The following CRAMP1 variants were observed in gnomAD, a reference collection of about 807,000 sequenced individuals.
CRAMP1 encodes protein cramped-like.
CRAMP1 carries 50 observed loss-of-function variants against 115.4 expected under a neutral mutation model. That is an observed-to-expected ratio of 0.43 (90% confidence interval 0.35 to 0.55). The LOEUF is 0.55. Among genes scored for constraint, CRAMP1 ranks in the 20% least tolerant of loss-of-function variants. The probability of loss-of-function intolerance (pLI) is 0.01; values close to 1 mark genes in which losing one functional copy is unlikely to be tolerated. For synonymous variants in CRAMP1, 866 were observed against 745.4 expected, an observed-to-expected ratio of 1.16 and a Z score of -2.64; for missense variants, 1,679 against 1,721.7, an observed-to-expected ratio of 0.98 and a Z score of 0.44.
Position 1,656,266 on chromosome 16 carries a change from G to A in CRAMP1, c.1509G>A (p.Leu503=), listed in dbSNP as rs960409959. 13 of 1,611,288 alleles carry A rather than the reference G, an allele frequency of 8.1e-6. No homozygotes were observed. The African/African-American group carries it at 1.7e-4, about 22-fold the overall frequency. Residue 503 remains leucine (L), a synonymous_variant, in exon 10 of 21, where the codon TTG becomes TTA. Transcript: ENST00000397412. The surrounding 1 kb of genome is among the most constrained non-coding windows in gnomAD (Gnocchi z 5.6). ...SAPGEGAALS[L]SSPDAPDRPP... ...CCGGGGAGGGGGCTGCCCTAAGCTT[G>A]AGCAGCCCGGACGCTCCTGACAGGC...
chr16:1,633,450 G>T (rs2036562335), intron 4 of CRAMP1, among the ~76,000 whole-genome samples: 1 of 152,238 alleles, frequency 6.6e-6, no homozygotes, highest in African/African-American at 2.4e-5. Context: ...CCCTTGATTC[G>T]GGTCTGCCGC....
rs940852845 is a variant in CRAMP1 at position 1,612,671 on chromosome 16, G to T, written c.-2+14G>T. Among the ~76,000 whole-genome samples, 1 of 152,132 alleles carries T rather than the reference G, an allele frequency of 6.6e-6. No homozygotes were observed. The highest frequency in any genetic ancestry group is 2.4e-5 in the African/African-American group (1 of 41,460). ...TTGATGAAAAAGGTGACCAAGGCTGGGCGGCGGGGCTGTCATGGCGAGGCC... is the reference window on the plus strand; with the variant it reads ...TTGATGAAAAAGGTGACCAAGGCTGTGCGGCGGGGCTGTCATGGCGAGGCC... On this transcript the variant is annotated intron_variant, in intron 1 of 20. Transcript: ENST00000397412.
In CRAMP1 at chr16:1,672,686, T is replaced by C. The variant is rs1292291976; in HGVS notation, c.3646-1195T>C. Among the ~76,000 whole-genome samples, 1 of 152,216 alleles carries C rather than the reference T, an allele frequency of 6.6e-6. No individual in the cohort carries two copies. The highest frequency in any genetic ancestry group is 1.5e-5 in the Non-Finnish European group (1 of 68,034). Reference sequence around the variant, plus strand: ...GTGTCATGCAGTTCATTAAGGGATATTTCTGCAGGGTCTGCTGTGTGCAAA... The same window carrying C: ...GTGTCATGCAGTTCATTAAGGGATACTTCTGCAGGGTCTGCTGTGTGCAAA... On this transcript the variant is annotated intron_variant, in intron 20 of 20. Transcript: ENST00000397412. The surrounding 1 kb of genome is among the most constrained non-coding windows in gnomAD (Gnocchi z 4.9).
chr16:1,657,591 G>T (rs2036787161), intron 10 of CRAMP1, among the ~76,000 whole-genome samples: 2 of 152,360 alleles, frequency 1.3e-5, no homozygotes, highest in South Asian at 4.1e-4. Flanking sequence ...AGAAGAGCAG[G>T]GATGCGGTGC....
At position 1,667,942 on chromosome 16, in the gene CRAMP1, A is replaced by G; in HGVS notation, c.3103-20A>G. The stretch of plus-strand genomic sequence containing the variant: ...TCTGATAGACCTGGTTGTGTCTGAA[A>G]AATACCTGTCTCCCAGCAGGGCTCA... On this transcript the variant is annotated intron_variant, in intron 17 of 20. Coordinates refer to ENST00000397412, the MANE Select transcript of CRAMP1 (RefSeq NM_020825.4). 1 of 1,522,116 alleles carries G rather than the reference A, an allele frequency of 6.6e-7. No individual in the cohort carries two copies. The allele number at this position is 1,522,116 out of a possible 1,614,324, so 94.3% of individuals were successfully genotyped here.
chr16:1,668,953 T>C, intron 18 of CRAMP1, 48 bp from the exon 19 acceptor site: 3 of 1,592,412 alleles, frequency 1.9e-6, no homozygotes, highest in Non-Finnish European at 2.6e-6. Flanking sequence ...GAGTTGCTGT[T>C]CACCACCCCG....
rs2036873607 is a variant in CRAMP1 at position 1,666,099 on chromosome 16, T to G, written c.2779T>G (p.Ser927Ala). ...GAGAGGTTCGTTCCGGCCCATCCAG[T>G]CTTCTCTGACCAAAGCAGCTCTGTC... ...TGRGSFRPIQ[S>A]SLTKAALSRP... Residue 927 changes from serine (S) to alanine (A), a missense_variant, in exon 15 of 21, where the codon TCT (serine) becomes GCT (alanine). Ser to Ala is a moderately conservative substitution (Grantham distance 99). Coordinates refer to ENST00000397412, the MANE Select transcript of CRAMP1 (RefSeq NM_020825.4). The surrounding 1 kb of genome is among the most constrained non-coding windows in gnomAD (Gnocchi z 5.0). 2 of 1,612,170 alleles carry G rather than the reference T, an allele frequency of 1.2e-6. No individual in the cohort carries two copies. The highest frequency in any genetic ancestry group is 1.7e-6 in the Non-Finnish European group (2 of 1,179,314).
chr16:1,656,933 A>G lies in CRAMP1; in HGVS notation c.2176A>G (p.Lys726Glu). ...RPGSLPTALH[K>E]QRLLSCLLKL... ...CGGCTCCCTACCCACCGCCCTCCAC[A>G]AGCAGCGCCTCCTCAGCTGCCTCCT... Residue 726 changes from lysine (K) to glutamate (E), a missense_variant, in exon 10 of 21, where the codon AAG (lysine) becomes GAG (glutamate). By Grantham distance (56) the Lys-to-Glu change is moderately conservative. This residue lies in a region of CRAMP1 where 709 missense variants were observed against 741.9 expected (regional missense o/e 0.96). Transcript: ENST00000397412. The surrounding 1 kb of genome is among the most constrained non-coding windows in gnomAD (Gnocchi z 5.6). 1 of 1,559,560 alleles carries G rather than the reference A, an allele frequency of 6.4e-7. No individual in the cohort carries two copies. The highest frequency in any genetic ancestry group is 8.7e-7 in the Non-Finnish European group (1 of 1,152,032).
intron 5 of CRAMP1, among the ~76,000 whole-genome samples, chr16:1,639,656 G>A (rs908455450): frequency 5.9e-5 from 9 of 152,178 alleles, no homozygotes; most frequent in Admixed American, 1.3e-4. Flanking sequence ...TCAGGCTGAA[G>A]TGAAGTTCCA....
intron 4 of CRAMP1, among the ~76,000 whole-genome samples, chr16:1,635,728 T>C (rs1377705951): frequency 6.6e-6 from 1 of 152,210 alleles, no homozygotes; most frequent in Non-Finnish European, 1.5e-5. Flanking sequence ...AACTTAGTGG[T>C]TCTTAATGTA....
intron 2 of CRAMP1, among the ~76,000 whole-genome samples, chr16:1,619,325 C>T (rs565049508): frequency 1.3e-5 from 2 of 152,216 alleles, no homozygotes; most frequent in Admixed American, 6.5e-5. Flanking sequence ...GGACTACAGG[C>T]GCATGCTGCT....
intron 2 of CRAMP1, among the ~76,000 whole-genome samples, chr16:1,624,401 ATTTGCTTGGCT>A (rs1379632393): frequency 2.7e-5 from 4 of 148,954 alleles, no homozygotes; most frequent in Admixed American, 2.7e-4. Context: ...AATAATCTAC[ATTTGCTTGGCT>A]TTTGCTTTTT....
chr16:1,654,300 C>T (rs938258539), intron 8 of CRAMP1, among the ~76,000 whole-genome samples: 2 of 151,324 alleles, frequency 1.3e-5, no homozygotes, highest in Non-Finnish European at 2.9e-5. Flanking sequence ...CAACCTCCGT[C>T]TCCCACGTTT....
chr16:1,621,340 C>T (rs1453267458), intron 2 of CRAMP1, among the ~76,000 whole-genome samples: 1 of 152,250 alleles, frequency 6.6e-6, no homozygotes, highest in East Asian at 1.9e-4. Context: ...TGTGCCCTCA[C>T]TGCACCGTCT....
chr16:1,624,166 T>G (rs1382005868), intron 2 of CRAMP1, among the ~76,000 whole-genome samples: 1 of 152,054 alleles, frequency 6.6e-6, no homozygotes, highest in Admixed American at 6.6e-5. Context: ...GTTCTTTTTT[T>G]TTTTAAGCCT....
At chr16:1,613,278 G>A (rs551439663) in intron 1 of CRAMP1, among the ~76,000 whole-genome samples, 1 of 152,102 alleles carries the variant, frequency 6.6e-6, no homozygotes, top group Admixed American at 6.5e-5. Flanking sequence ...AGATTCCCTA[G>A]ACCAATTCCG....
At chr16:1,664,686 G>A (rs2036858879) in intron 13 of CRAMP1, among the ~76,000 whole-genome samples, 1 of 152,012 alleles carries the variant, frequency 6.6e-6, no homozygotes, top group East Asian at 1.9e-4. Context: ...GGCTGAGGCA[G>A]GAGAATCACT....
In CRAMP1 at chr16:1,667,317, G is replaced by A. The variant is rs754561743; in HGVS notation, c.3037-18G>A. 2.5e-6 allele frequency: 4 copies of A among 1,611,906 alleles called. No homozygotes were observed. In the Admixed American group the frequency reaches 5.0e-5, roughly 20 times the overall value. The stretch of plus-strand genomic sequence containing the variant: ...CTGGTGCACCCTGCGGCTGCTCATG[G>A]GCGTGCTCTTCCTGCAGGGCTCCGA... On this transcript the variant is annotated intron_variant, in intron 16 of 20. Coordinates refer to ENST00000397412, the MANE Select transcript of CRAMP1 (RefSeq NM_020825.4).
chr16:1,634,500 G>A (rs1000105877), intron 4 of CRAMP1, among the ~76,000 whole-genome samples: 18 of 151,686 alleles, frequency 1.2e-4, no homozygotes. Flanking sequence ...CTCGGTGGGG[G>A]GTCACACCCA....
Sources: gnomAD v4.1 joint callset for allele counts (sites outside exome capture counted in the v4.1 genomes callset) on GRCh38, gnomAD v4.1.1 for gene constraint, gnomAD v4.1.1 regional missense constraint, Gnocchi (gnomAD v3.1) non-coding constraint, MANE v1.5 for transcripts, NCBI Gene and HGNC (gene_info 2026-07-23, HGNC 2026-07-21) for gene names.